Variants in C19orf47 observed in about 807,000 individuals in gnomAD.
C19orf47 encodes uncharacterized protein C19orf47.
In C19orf47, 18 loss-of-function variants were observed where a neutral mutation model predicts 32.3. That is an observed-to-expected ratio of 0.56 (90% CI 0.39 to 0.83). The LOEUF (loss-of-function observed/expected upper bound fraction) is 0.83. C19orf47 is among the 40% of genes least tolerant of loss of function. The pLI is 0.00. For missense variants in C19orf47, 484 were observed against 531.6 expected (o/e 0.91, Z 0.88); for synonymous variants, 202 against 211.1 (o/e 0.96, Z 0.37).
At chr19:40,297,623 C>T in the C19orf47 span, among the ~76,000 whole-genome samples, 1 of 150,412 alleles carries the variant, frequency 6.6e-6, no homozygotes, top group East Asian at 1.9e-4. Context: ...TTGCTTGAAC[C>T]CAGGAAGCGG....
the C19orf47 span, among the ~76,000 whole-genome samples, chr19:40,314,289 A>C: frequency 6.6e-6 from 1 of 152,110 alleles, no homozygotes; most frequent in Admixed American, 6.6e-5. Context: ...TTAGCCAGGC[A>C]TCGTGGCATG....
At chr19:40,342,922 A>C (rs2145616381) in intron 1 of C19orf47, among the ~76,000 whole-genome samples, 1 of 152,360 alleles carries the variant, frequency 6.6e-6, no homozygotes, top group Admixed American at 6.5e-5. Flanking sequence ...GAGACGTCCC[A>C]GAGAAGACAT....
rs199534288 is a variant in C19orf47, at chr19:40,341,937, A to T, written c.-33-47T>A. 7 of 1,532,052 alleles carry T rather than the reference A, an allele frequency of 4.6e-6. No homozygotes were observed. In the East Asian group the frequency reaches 7.3e-5, roughly 16 times the overall value. The allele number at this position is 1,532,052 out of a possible 1,614,324, so 94.9% of individuals were successfully genotyped here. On this transcript the variant is annotated intron_variant, in intron 1 of 8. Coordinates refer to ENST00000683109, the MANE Select transcript of C19orf47 (RefSeq NM_001256441.2). ...AGCCCATGAGCTGCTGCCGGCTGTGAGTGTTTGTCCCTCTCCTGTGCCTGT... is the reference window on the plus strand; with the variant it reads ...AGCCCATGAGCTGCTGCCGGCTGTGTGTGTTTGTCCCTCTCCTGTGCCTGT...
intron 1 of C19orf47, chr19:40,342,136 A>C: frequency 8.5e-6 from 7 of 819,444 alleles, no homozygotes; most frequent in Non-Finnish European, 8.8e-6. Flanking sequence ...CACACCCCAA[A>C]AGGTTGGCTG....
chr19:40,300,034 A>G, the C19orf47 span, among the ~76,000 whole-genome samples: 3 of 152,020 alleles, frequency 2.0e-5, no homozygotes, highest in Non-Finnish European at 4.4e-5. Flanking sequence ...ATCTGAAAAA[A>G]GAGAGATATT....
chr19:40,327,384 G>A (rs1436930579), intron 6 of C19orf47, among the ~76,000 whole-genome samples: 1 of 150,492 alleles, frequency 6.6e-6, no homozygotes, highest in East Asian at 1.9e-4. Flanking sequence ...GAGCTCCTGG[G>A]CTCAAGTGAT....
At chr19:40,301,607 TG>T in the C19orf47 span, among the ~76,000 whole-genome samples, 1 of 151,808 alleles carries the variant, frequency 6.6e-6, no homozygotes, top group Admixed American at 6.6e-5. Flanking sequence ...CCCAAAGTGC[TG>T]GGATTGCAGG....
chr19:40,300,561 G>A, the C19orf47 span, among the ~76,000 whole-genome samples: 1 of 152,002 alleles, frequency 6.6e-6, no homozygotes, highest in Non-Finnish European at 1.5e-5. Context: ...TCATAATTTT[G>A]TTACTATGTT....
At chr19:40,344,804 T>C (rs943144284) in intron 1 of C19orf47, among the ~76,000 whole-genome samples, 11 of 152,226 alleles carry the variant, frequency 7.2e-5, no homozygotes, top group Non-Finnish European at 1.2e-4. Flanking sequence ...GTGCTTACTA[T>C]GTACCAGGAA....
At chr19:40,309,479 G>A in the C19orf47 span, among the ~76,000 whole-genome samples, 7 of 152,040 alleles carry the variant, frequency 4.6e-5, no homozygotes, top group African/African-American at 9.7e-5. Flanking sequence ...GGGAGCCACC[G>A]TGCCTCGCCT....
the C19orf47 span, among the ~76,000 whole-genome samples, chr19:40,312,328 A>G: frequency 6.6e-6 from 1 of 152,066 alleles, no homozygotes; most frequent in African/African-American, 2.4e-5. Context: ...CGGTCGGATC[A>G]CGAGGTCGAG....
the C19orf47 span, among the ~76,000 whole-genome samples, chr19:40,294,612 C>CG: frequency 4.5e-4 from 69 of 152,318 alleles, no homozygotes; most frequent in South Asian, 1.9e-3. Flanking sequence ...TCTGTTCAGA[C>CG]TAATTTTGCT....
At chr19:40,315,537 T>C (rs928034290), downstream of C19orf47, among the ~76,000 whole-genome samples, 5 of 152,066 alleles carry the variant, frequency 3.3e-5, no homozygotes, top group African/African-American at 7.2e-5. Flanking sequence ...TCCCAGCACT[T>C]TGGGAGGCCG....
chr19:40,309,082 G>A, the C19orf47 span, among the ~76,000 whole-genome samples: 1 of 152,086 alleles, frequency 6.6e-6, no homozygotes, highest in Non-Finnish European at 1.5e-5. Context: ...ATAAATAAAA[G>A]TGGATATTGA....
downstream of C19orf47, among the ~76,000 whole-genome samples, chr19:40,318,734 C>T (rs2077679795): frequency 6.6e-6 from 1 of 152,114 alleles, no homozygotes. Context: ...TAGCCTGGGC[C>T]CCCACAGAGA....
chr19:40,317,660 C>A (rs962360664), downstream of C19orf47, among the ~76,000 whole-genome samples: 1 of 146,636 alleles, frequency 6.8e-6, no homozygotes, highest in African/African-American at 2.6e-5. Flanking sequence ...TAGGACAAGC[C>A]AATAAGGTTG....
the C19orf47 span, among the ~76,000 whole-genome samples, chr19:40,308,293 T>C: frequency 2.0e-5 from 3 of 151,794 alleles, no homozygotes; most frequent in African/African-American, 7.3e-5. Context: ...GTAGCTGGGA[T>C]TACAGGCGCG....
intron 4 of C19orf47, among the ~76,000 whole-genome samples, 167 bp from the exon 5 acceptor site, chr19:40,334,096 TATAAA>T (rs2078010696): frequency 6.6e-6 from 1 of 152,232 alleles, no homozygotes; most frequent in Non-Finnish European, 1.5e-5. Flanking sequence ...AGGGACACTC[TATAAA>T]ATATCTGACC....
At chr19:40,333,468 T>C (rs2077997230) in intron 5 of C19orf47, among the ~76,000 whole-genome samples, 1 of 152,006 alleles carries the variant, frequency 6.6e-6, no homozygotes, top group Admixed American at 6.6e-5. Context: ...AAATCAACAT[T>C]ATGTATTAAC....
Sources: allele counts gnomAD v4.1 joint callset (sites outside exome capture counted in the v4.1 genomes callset), GRCh38; gene constraint gnomAD v4.1.1; transcripts MANE v1.5; gene names NCBI Gene and HGNC (gene_info 2026-07-23, HGNC 2026-07-21).